SYT6: variants seen among roughly 807,000 people sequenced by gnomAD.
SYT6 encodes the protein synaptotagmin-6.
SYT6 carries 24 observed loss-of-function variants against 38.4 expected under a neutral mutation model. The ratio of observed to expected loss-of-function variants is 0.62; its 90% confidence interval spans 0.45 to 0.88. The LOEUF is 0.88. Ranked by LOEUF, SYT6 falls within the 40% of genes least tolerant of loss-of-function variation. The pLI is 0.00. For synonymous variants in SYT6, 265 were observed against 241.9 expected (o/e 1.10, Z -0.89); for missense variants, 611 against 621.0 (o/e 0.98, Z 0.17).
At chr1:114,151,385 G>C (rs971086621) in intron 1 of SYT6, among the ~76,000 whole-genome samples, 7 of 152,058 alleles carry the variant, frequency 4.6e-5, no homozygotes, top group Non-Finnish European at 1.0e-4. Flanking sequence ...TGCAGGGAAG[G>C]CATAGTAATT....
chr1:114,125,632 A>G (rs948189763), intron 3 of SYT6, among the ~76,000 whole-genome samples: 1 of 151,990 alleles, frequency 6.6e-6, no homozygotes, highest in Non-Finnish European at 1.5e-5. Flanking sequence ...GTAGAGACCA[A>G]ATTTTTCTGT....
chr1:114,141,603 A>G (rs142958142), intron 1 of SYT6, among the ~76,000 whole-genome samples: 5 of 152,376 alleles, frequency 3.3e-5, no homozygotes, highest in African/African-American at 1.2e-4. Flanking sequence ...GATCTAACTA[A>G]GATAATTGAT....
chr1:114,106,496 C>T (rs1348052508), intron 3 of SYT6, among the ~76,000 whole-genome samples: 1 of 152,100 alleles, frequency 6.6e-6, no homozygotes, highest in Non-Finnish European at 1.5e-5. Flanking sequence ...TTCAGTGGTT[C>T]CCCTTGTTTG....
At chr1:114,114,817 C>T (rs963682466) in intron 3 of SYT6, among the ~76,000 whole-genome samples, 5 of 152,218 alleles carry the variant, frequency 3.3e-5, no homozygotes, top group Admixed American at 6.5e-5. Context: ...AATATCAGAG[C>T]TGCCAAGCAA....
At chr1:114,096,580 C>A (rs1675654885) in intron 6 of SYT6, among the ~76,000 whole-genome samples, 1 of 152,126 alleles carries the variant, frequency 6.6e-6, no homozygotes, top group South Asian at 2.1e-4. Context: ...CCTGAGACAC[C>A]TCAGCCTGCC....
At chr1:114,100,556 G>A (rs1675904869) in intron 4 of SYT6, among the ~76,000 whole-genome samples, 1 of 152,218 alleles carries the variant, frequency 6.6e-6, no homozygotes, top group Admixed American at 6.5e-5. Flanking sequence ...TAATCCATGT[G>A]GCAGCAGTAG....
At chr1:114,129,624 T>TC (rs762440954) in intron 3 of SYT6, among the ~76,000 whole-genome samples, 5,666 of 103,232 alleles carry the variant, frequency 0.055, 140 homozygotes, top group East Asian at 0.12. Flanking sequence ...TTCCTTTCTT[T>TC]CTTTCTTTCT....
intron 3 of SYT6, among the ~76,000 whole-genome samples, chr1:114,107,079 A>G (rs1676369133): frequency 2.0e-5 from 3 of 152,194 alleles, no homozygotes; most frequent in Admixed American, 1.3e-4. Flanking sequence ...GAGGGAGCAA[A>G]CAAAAGGCCA....
chr1:114,099,627 G>A (rs1675845647), intron 4 of SYT6, among the ~76,000 whole-genome samples: 1 of 152,178 alleles, frequency 6.6e-6, no homozygotes, highest in African/African-American at 2.4e-5. Context: ...TGATGAGGCT[G>A]AACAATGACA....
At chr1:114,100,978 G>T (rs774466697) in intron 4 of SYT6, among the ~76,000 whole-genome samples, 90 of 152,058 alleles carry the variant, frequency 5.9e-4, no homozygotes, top group Non-Finnish European at 1.1e-3. Flanking sequence ...AAAAATAGAG[G>T]CAGAGCCACT....
At chr1:114,113,831 T>A (rs972741222) in intron 3 of SYT6, among the ~76,000 whole-genome samples, 4 of 152,162 alleles carry the variant, frequency 2.6e-5, no homozygotes, top group African/African-American at 9.7e-5. Flanking sequence ...AGATGGAAAA[T>A]GGATTGTACC....
At chr1:114,103,399 T>G (rs996400377) in intron 4 of SYT6, among the ~76,000 whole-genome samples, 6 of 152,258 alleles carry the variant, frequency 3.9e-5, no homozygotes, top group African/African-American at 1.4e-4. Flanking sequence ...AAGATATTAT[T>G]ACTCCCACTT....
intron 6 of SYT6, 71 bp from the exon 7 acceptor site, chr1:114,093,874 T>C: frequency 6.9e-7 from 1 of 1,449,598 alleles, no homozygotes; most frequent in Admixed American, 1.7e-5. Context: ...CAAGTGTTTC[T>C]TAACCAGAAG....
At chr1:114,149,008 G>T (rs528248593) in intron 1 of SYT6, among the ~76,000 whole-genome samples, 28 of 152,192 alleles carry the variant, frequency 1.8e-4, no homozygotes, top group Non-Finnish European at 4.0e-4. Context: ...GGAGAGGATG[G>T]GAGGGATACT....
rs1675316394 is a variant in SYT6, at chr1:114,091,804, A to G, written c.*330T>C. Reference sequence around the variant, plus strand: ...ATAAAAAGTGAAAAACCACAAAAACATCACCTTGGGAGACACAAAAGACTA... The same window carrying G: ...ATAAAAAGTGAAAAACCACAAAAACGTCACCTTGGGAGACACAAAAGACTA... On this transcript the variant is annotated 3_prime_UTR_variant, in exon 8 of 8. Coordinates refer to ENST00000610222, the MANE Select transcript of SYT6 (RefSeq NM_001253772.2). The G allele has an allele frequency of 4.8e-6, 2 of 414,898 alleles. No homozygotes were observed. Among genetic ancestry groups the G allele is most frequent in the Non-Finnish European group, 8.4e-6 (2 of 237,558 alleles). 25.7% of individuals were successfully genotyped at this position (414,898 alleles called of 1,614,324 possible).
At chr1:114,119,154 G>T (rs1176560594) in intron 3 of SYT6, among the ~76,000 whole-genome samples, 1 of 152,220 alleles carries the variant, frequency 6.6e-6, no homozygotes, top group African/African-American at 2.4e-5. Context: ...GAACTCAAGG[G>T]TCCCAAGAGA....
intron 3 of SYT6, among the ~76,000 whole-genome samples, chr1:114,133,358 G>A (rs899502040): frequency 6.6e-6 from 1 of 152,182 alleles, no homozygotes; most frequent in Non-Finnish European, 1.5e-5. Context: ...TGTGTGCGGT[G>A]GGGTCTGAGT....
At position 114,091,222 on chromosome 1, in the gene SYT6, T is replaced by C. The variant is rs892812777; in HGVS notation, c.*912A>G. ...CATATGTTTCTCTCTTACTTTACAA[T>C]CAAGATTATTTCTGAGGACAAAGAT... On this transcript the variant is annotated 3_prime_UTR_variant, in exon 8 of 8. Coordinates refer to ENST00000610222, the MANE Select transcript of SYT6 (RefSeq NM_001253772.2). The C allele has an allele frequency of 6.5e-6, 1 of 152,798 alleles. No homozygotes were observed. Among genetic ancestry groups the C allele is most frequent in the Non-Finnish European group, 1.5e-5 (1 of 68,044 alleles). The allele number at this position is 152,798 out of a possible 1,614,324, so 9.5% of individuals were successfully genotyped here. A position where few individuals can be genotyped will look rare whatever the true frequency, so the allele number is the denominator to read the frequency against.
chr1:114,099,106 A>T lies in SYT6; in HGVS notation c.1352T>A (p.Met451Lys). 8 of 1,613,298 alleles carry T rather than the reference A, an allele frequency of 5.0e-6. No homozygotes were observed. Among genetic ancestry groups the T allele is most frequent in the Non-Finnish European group, 6.8e-6 (8 of 1,179,520 alleles). ...MDQVSLLISV[M>K]DYDRVGHNEI... ...GACGCCTACCTACCGATCATAGTCCATGACTGAGATGAGCAGGCTGACTTG... is the reference window on the plus strand; with the variant it reads ...GACGCCTACCTACCGATCATAGTCCTTGACTGAGATGAGCAGGCTGACTTG... The change falls in exon 5 of 8, where the codon ATG becomes AAG. Residue 451 changes from methionine to lysine, a missense_variant. Physicochemically the swap from Met to Lys is moderately conservative, Grantham distance 95. Coordinates refer to ENST00000610222, the MANE Select transcript of SYT6 (RefSeq NM_001253772.2).
Sources: allele counts gnomAD v4.1 joint callset (sites outside exome capture counted in the v4.1 genomes callset), GRCh38; gene constraint gnomAD v4.1.1; transcripts MANE v1.5; gene names NCBI Gene and HGNC (gene_info 2026-07-23, HGNC 2026-07-21).